The following ASIC2 variants were observed in gnomAD, a reference collection of about 807,000 sequenced individuals.
The protein encoded by ASIC2 is acid sensing ion channel subunit 2.
ASIC2 carries 25 observed loss-of-function variants against 57.3 expected under a neutral mutation model. That is an observed-to-expected ratio of 0.44 (90% CI 0.32 to 0.61). ASIC2 has a LOEUF of 0.61. Ranked by LOEUF, ASIC2 falls within the 20% of genes least tolerant of loss-of-function variation. The pLI is 0.06. For missense variants in ASIC2, 641 were observed against 738.1 expected (o/e 0.87, Z 1.52); for synonymous variants, 319 against 307.5 (o/e 1.04, Z -0.39).
At chr17:33,310,061 C>T (rs1040510515) in intron 1 of ASIC2, among the ~76,000 whole-genome samples, 2 of 150,826 alleles carry the variant, frequency 1.3e-5, no homozygotes, top group Non-Finnish European at 2.9e-5. Context: ...ATATTGTATC[C>T]CTGTAATATT....
chr17:33,487,930 G>T (rs565754351), intron 1 of ASIC2, among the ~76,000 whole-genome samples: 3 of 152,146 alleles, frequency 2.0e-5, no homozygotes, highest in African/African-American at 7.2e-5. Flanking sequence ...CCCCTACTTC[G>T]GAGGTTTTGG....
intron 1 of ASIC2, among the ~76,000 whole-genome samples, chr17:34,091,739 T>G (rs576265502): frequency 6.6e-6 from 1 of 152,118 alleles, no homozygotes; most frequent in Non-Finnish European, 1.5e-5. Context: ...AAAGTGAAAA[T>G]GAGTTGAAGC....
intron 1 of ASIC2, among the ~76,000 whole-genome samples, chr17:33,277,324 A>G (rs937840560): frequency 2.0e-5 from 3 of 152,200 alleles, no homozygotes; most frequent in African/African-American, 7.2e-5. Context: ...ACCATGAGTC[A>G]GGGAAGTTCT....
intron 1 of ASIC2, among the ~76,000 whole-genome samples, chr17:33,547,150 C>T (rs1915604040): frequency 6.6e-6 from 1 of 152,062 alleles, no homozygotes; most frequent in Non-Finnish European, 1.5e-5. Flanking sequence ...GGTGACGCTG[C>T]TGCTGTTGAT....
intron 1 of ASIC2, among the ~76,000 whole-genome samples, chr17:33,358,693 T>C (rs1184848350): frequency 6.6e-6 from 1 of 152,256 alleles, no homozygotes; most frequent in Non-Finnish European, 1.5e-5. Context: ...CAGGGACTTT[T>C]GTAGAAGGTG....
chr17:33,350,287 C>T (rs982000870), intron 1 of ASIC2, among the ~76,000 whole-genome samples: 1 of 152,234 alleles, frequency 6.6e-6, no homozygotes, highest in African/African-American at 2.4e-5. Context: ...TATGTCTTGC[C>T]TCTCTGCTGA....
At chr17:33,161,254 G>A (rs1381760635) in intron 1 of ASIC2, among the ~76,000 whole-genome samples, 1 of 152,182 alleles carries the variant, frequency 6.6e-6, no homozygotes, top group African/African-American at 2.4e-5. Flanking sequence ...CCTACTGTAT[G>A]CCAGGCAGTG....
chr17:33,961,427 G>A (rs1904916978), intron 1 of ASIC2, among the ~76,000 whole-genome samples: 1 of 152,206 alleles, frequency 6.6e-6, no homozygotes, highest in Non-Finnish European at 1.5e-5. Context: ...AGAGCAGAGA[G>A]CTTAGCCCGA....
intron 1 of ASIC2, among the ~76,000 whole-genome samples, chr17:33,428,964 C>T (rs1321747253): frequency 1.3e-5 from 2 of 152,184 alleles, no homozygotes; most frequent in African/African-American, 4.8e-5. Context: ...CTCATGTTAT[C>T]ATCCTGATGA....
intron 3 of ASIC2, among the ~76,000 whole-genome samples, chr17:33,059,138 A>G (rs1036310250): frequency 2.0e-5 from 3 of 152,176 alleles, no homozygotes; most frequent in Non-Finnish European, 4.4e-5. Context: ...TTGAAGTATT[A>G]AACTCAGGAT....
intron 1 of ASIC2, among the ~76,000 whole-genome samples, chr17:34,130,503 G>T (rs1911919624): frequency 6.6e-6 from 1 of 152,214 alleles, no homozygotes; most frequent in Non-Finnish European, 1.5e-5. Flanking sequence ...TATGTCCCAG[G>T]TGTTGTCTGG....
chr17:33,813,654 T>C (rs1427420943), intron 1 of ASIC2, among the ~76,000 whole-genome samples: 2 of 152,172 alleles, frequency 1.3e-5, no homozygotes, highest in African/African-American at 4.8e-5. Flanking sequence ...GCCAGGATGG[T>C]CTCGATTTCC....
chr17:33,322,192 T>A (rs1180859214), intron 1 of ASIC2, among the ~76,000 whole-genome samples: 1 of 152,198 alleles, frequency 6.6e-6, no homozygotes, highest in Non-Finnish European at 1.5e-5. Context: ...ACTTCAGATC[T>A]TGGGAGATCA....
intron 1 of ASIC2, among the ~76,000 whole-genome samples, chr17:33,256,006 C>T (rs1909053010): frequency 6.6e-6 from 1 of 152,016 alleles, no homozygotes; most frequent in South Asian, 2.1e-4. Flanking sequence ...GTTTAATTCA[C>T]ACTAGGAAAA....
intron 1 of ASIC2, among the ~76,000 whole-genome samples, chr17:33,469,465 G>A (rs548281434): frequency 6.6e-6 from 1 of 152,314 alleles, no homozygotes; most frequent in East Asian, 1.9e-4. Flanking sequence ...CCACCCTCTA[G>A]CTTCCAGTTA....
At chr17:34,020,216 A>G (rs1490108118) in intron 1 of ASIC2, among the ~76,000 whole-genome samples, 1 of 152,252 alleles carries the variant, frequency 6.6e-6, no homozygotes, top group East Asian at 1.9e-4. Context: ...GTTTTCCAGT[A>G]TCTGGTGGTC....
intron 1 of ASIC2, among the ~76,000 whole-genome samples, chr17:33,755,197 G>A (rs1312836594): frequency 6.6e-6 from 1 of 152,158 alleles, no homozygotes; most frequent in Non-Finnish European, 1.5e-5. Flanking sequence ...ATCAGGGTGA[G>A]GTGGCCACAA....
intron 1 of ASIC2, among the ~76,000 whole-genome samples, chr17:33,695,841 C>T (rs1908509104): frequency 6.6e-6 from 1 of 152,196 alleles, no homozygotes; most frequent in Non-Finnish European, 1.5e-5. Flanking sequence ...AATACATACA[C>T]ACATATGACA....
intron 1 of ASIC2, among the ~76,000 whole-genome samples, chr17:33,769,518 G>A (rs1911033909): frequency 6.6e-6 from 1 of 152,236 alleles, no homozygotes; most frequent in South Asian, 2.1e-4. Flanking sequence ...GGACACAGGG[G>A]ACCCAGAGGT....
Sources: gnomAD v4.1 joint callset for allele counts (sites outside exome capture counted in the v4.1 genomes callset) on GRCh38, gnomAD v4.1.1 for gene constraint, MANE v1.5 for transcripts, NCBI Gene and HGNC (gene_info 2026-07-23, HGNC 2026-07-21) for gene names.